The following CACNA1E variants were observed in gnomAD, a reference collection of about 807,000 sequenced individuals.
CACNA1E encodes voltage-dependent R-type calcium channel subunit alpha-1E.
A neutral mutation model predicts 259.2 loss-of-function variants in CACNA1E; 40 were observed. That is an observed-to-expected ratio of 0.15 (90% CI 0.12 to 0.20). CACNA1E has a LOEUF of 0.20. CACNA1E is among the 10% of genes least tolerant of loss of function. The pLI, the probability that CACNA1E is intolerant of heterozygous loss-of-function variation, is 1.00. For missense variants in CACNA1E, 1,874 were observed against 3,040.1 expected (o/e 0.62, Z 9.02); for synonymous variants, 1,104 against 1,138.5 (o/e 0.97, Z 0.61).
rs186468648 is a variant in CACNA1E, at chr1:181,328,099, G to A, written c.-15+9976G>A. Among the ~76,000 whole-genome samples, 54 of 152,310 alleles carry A rather than the reference G, an allele frequency of 3.5e-4. 1 individual carries two copies. The highest frequency in any genetic ancestry group is 3.0e-3 in the Admixed American group (46 of 15,304). ...GTTTGAGCTGCTGTAACACAACACT[G>A]TAGGCTGGGTGGCTCTTAAATAGCA... On this transcript the variant is annotated intron_variant, in intron 1 of 11. Coordinates refer to the CACNA1E transcript ENST00000524607.
chr1:181,603,696 A>G (rs1354028169), intron 6 of CACNA1E, among the ~76,000 whole-genome samples: 2 of 152,052 alleles, frequency 1.3e-5, no homozygotes, highest in Admixed American at 1.3e-4. Context: ...ACATATGAAG[A>G]CTGGTCAGAT....
Position 181,776,363 on chromosome 1 carries a change from C to T in CACNA1E, c.5267+135C>T, listed in dbSNP as rs1659975885. 2 of 876,024 alleles carry T rather than the reference C, an allele frequency of 2.3e-6. No individual in the cohort carries two copies. The highest frequency in any genetic ancestry group is 2.5e-5 in the East Asian group (1 of 40,292). 54.3% of individuals were successfully genotyped at this position (876,024 alleles called of 1,614,324 possible). A position where few individuals can be genotyped will look rare whatever the true frequency, so the allele number is the denominator to read the frequency against. On this transcript the variant is annotated intron_variant, in intron 38 of 47. Transcript: ENST00000367573. This position sits in a 1 kb window ranked among gnomAD's most constrained non-coding sequence, Gnocchi z 4.4. ...AAAGGAGATTCCTCTTGATTGTGGC[C>T]CATAGAAGAGGCTCTGGTATCAAGC...
chr1:181,497,449 T>C (rs1267731947), intron 1 of CACNA1E, among the ~76,000 whole-genome samples: 1 of 152,192 alleles, frequency 6.6e-6, no homozygotes, highest in Non-Finnish European at 1.5e-5. Context: ...CACCATTCTA[T>C]AAGGACCTCC....
chr1:181,435,841 T>C (rs999155615), intron 2 of CACNA1E, among the ~76,000 whole-genome samples: 5 of 152,228 alleles, frequency 3.3e-5, no homozygotes, highest in Non-Finnish European at 5.9e-5. Flanking sequence ...AGTTCAATAA[T>C]TGATAACAAA....
chr1:181,591,231 T>G (rs6684423), intron 6 of CACNA1E, among the ~76,000 whole-genome samples: 20,178 of 152,312 alleles, frequency 0.13, 1,524 homozygotes, highest in South Asian at 0.22. Flanking sequence ...TTGGAGTCAA[T>G]CTCCCTTTGC....
intron 1 of CACNA1E, among the ~76,000 whole-genome samples, chr1:181,385,332 G>A (rs913861142): frequency 6.6e-6 from 1 of 152,232 alleles, no homozygotes; most frequent in Non-Finnish European, 1.5e-5. Context: ...TTGGTTCACA[G>A]TCTCCCTCAT....
chr1:181,451,314 C>T (rs61812700), intron 2 of CACNA1E, among the ~76,000 whole-genome samples: 7,428 of 152,270 alleles, frequency 0.049, 288 homozygotes, highest in East Asian at 0.16. Context: ...ATATTTTTAA[C>T]ATCCCTTCTG....
intron 2 of CACNA1E, among the ~76,000 whole-genome samples, chr1:181,438,897 C>T (rs535947908): frequency 3.3e-5 from 5 of 152,230 alleles, no homozygotes; most frequent in Admixed American, 3.3e-4. Flanking sequence ...ATAGCAGGGA[C>T]TTAGAGGCAA....
intron 2 of CACNA1E, among the ~76,000 whole-genome samples, chr1:181,425,792 T>C (rs11802078): frequency 0.4 from 60,367 of 151,562 alleles, 12,280 homozygotes; most frequent in African/African-American, 0.45. Flanking sequence ...TCTCGAAGCC[T>C]GTAGCAGGGA....
At position 181,772,186 on chromosome 1, in the gene CACNA1E, G is replaced by A; in HGVS notation, c.5094G>A (p.Leu1698=). ...AGAACGAACGCTGCGGCACCGATCTGGCCTACGTGTACTTTGTCTCCTTCA... is the reference window on the plus strand; with the variant it reads ...AGAACGAACGCTGCGGCACCGATCTAGCCTACGTGTACTTTGTCTCCTTCA... ...QNENERCGTD[L]AYVYFVSFIF... is the part of the protein sequence containing the mutation. Residue 1698 remains leucine (L), a synonymous_variant, in exon 37 of 48, where the codon CTG becomes CTA. Transcript: ENST00000367573. 1 of 1,613,944 alleles carries A rather than the reference G, an allele frequency of 6.2e-7. No homozygotes were observed. Among genetic ancestry groups the A allele is most frequent in the Non-Finnish European group, 8.5e-7 (1 of 1,179,862 alleles).
chr1:181,709,355 C>G (rs1389138165), intron 7 of CACNA1E, among the ~76,000 whole-genome samples: 1 of 151,936 alleles, frequency 6.6e-6, no homozygotes, highest in Admixed American at 6.6e-5. Flanking sequence ...TGAAGCCAAG[C>G]ACAGGAGAAT....
chr1:181,497,385 C>T (rs903260813), intron 1 of CACNA1E, among the ~76,000 whole-genome samples: 5 of 152,158 alleles, frequency 3.3e-5, no homozygotes, highest in Admixed American at 2.6e-4. Flanking sequence ...AATCATATGC[C>T]TTACCATTTC....
At chr1:181,363,171 TA>T (rs1199238819) in intron 1 of CACNA1E, among the ~76,000 whole-genome samples, 1 of 152,160 alleles carries the variant, frequency 6.6e-6, no homozygotes, top group Non-Finnish European at 1.5e-5. Flanking sequence ...TAAAGAAGCC[TA>T]AAATCTCATC....
chr1:181,344,857 G>T (rs572699317), intron 1 of CACNA1E, among the ~76,000 whole-genome samples: 1 of 152,340 alleles, frequency 6.6e-6, no homozygotes, highest in East Asian at 1.9e-4. Context: ...AGTTGCCTCT[G>T]GTTTACACTG....
chr1:181,377,335 T>G (rs1655173736), intron 1 of CACNA1E, among the ~76,000 whole-genome samples: 1 of 152,260 alleles, frequency 6.6e-6, no homozygotes. Context: ...GAGGTGATTG[T>G]GTGAGCAAAG....
chr1:181,388,878 T>C (rs531443527), intron 1 of CACNA1E, among the ~76,000 whole-genome samples: 53 of 149,074 alleles, frequency 3.6e-4, no homozygotes, highest in African/African-American at 1.2e-3. Flanking sequence ...GCAACAAGAG[T>C]GAAACTCCAT....
chr1:181,616,852 T>C (rs555722712), intron 6 of CACNA1E, among the ~76,000 whole-genome samples: 2 of 152,382 alleles, frequency 1.3e-5, no homozygotes, highest in Non-Finnish European at 2.9e-5. Flanking sequence ...AGATTTAATT[T>C]CTTTGAAAGA....
chr1:181,484,154 G>C, intron 1 of CACNA1E, 144 bp downstream of exon 1: 1 of 807,236 alleles, frequency 1.2e-6, no homozygotes, highest in Non-Finnish European at 2.1e-6. Context: ...GTGCATCTAA[G>C]GGGCAAGCTT....
chr1:181,417,607 C>T (rs1374448079), intron 2 of CACNA1E, among the ~76,000 whole-genome samples: 1 of 152,218 alleles, frequency 6.6e-6, no homozygotes, highest in Non-Finnish European at 1.5e-5. Context: ...TTGATGACTG[C>T]CACCTCCAGT....
Sources: gnomAD v4.1 joint callset for allele counts (sites outside exome capture counted in the v4.1 genomes callset) on GRCh38, gnomAD v4.1.1 for gene constraint, Gnocchi (gnomAD v3.1) non-coding constraint, MANE v1.5 for transcripts, NCBI Gene and HGNC (gene_info 2026-07-23, HGNC 2026-07-21) for gene names.